Variants in SBF2 observed in about 807,000 individuals in gnomAD.
SBF2 encodes the protein SET binding factor 2.
SBF2 carries 112 observed loss-of-function variants against 225.2 expected under a neutral mutation model. The ratio of observed to expected loss-of-function variants is 0.50; its 90% confidence interval spans 0.43 to 0.58. The LOEUF (loss-of-function observed/expected upper bound fraction) is 0.58. Among genes scored for constraint, SBF2 ranks in the 20% least tolerant of loss-of-function variants. SBF2 has a pLI of 0.00. For missense variants in SBF2, 1,996 were observed against 2,206.2 expected (o/e 0.90, Z 1.91); for synonymous variants, 763 against 773.3 (o/e 0.99, Z 0.22).
chr11:9,976,013 G>A (rs1275852817), intron 13 of SBF2, among the ~76,000 whole-genome samples: 1 of 150,920 alleles, frequency 6.6e-6, no homozygotes, highest in Non-Finnish European at 1.5e-5. Context: ...TCAATGCTGG[G>A]CAATGAAATA....
intron 2 of SBF2, among the ~76,000 whole-genome samples, chr11:10,177,234 C>A (rs1399528098): frequency 6.6e-6 from 1 of 151,758 alleles, no homozygotes; most frequent in Non-Finnish European, 1.5e-5. Flanking sequence ...CAGCCAATAT[C>A]ATACTGAATG....
chr11:10,112,526 C>G (rs1056445298), intron 2 of SBF2, among the ~76,000 whole-genome samples: 2 of 152,200 alleles, frequency 1.3e-5, no homozygotes, highest in Non-Finnish European at 2.9e-5. Context: ...AAACTTCTTT[C>G]TGGTATAAAT....
intron 2 of SBF2, among the ~76,000 whole-genome samples, chr11:10,138,864 G>A (rs1565275114): frequency 6.6e-6 from 1 of 152,106 alleles, no homozygotes; most frequent in Admixed American, 6.5e-5. Context: ...CTGTCTTGGT[G>A]TATTTACCAT....
chr11:9,964,174 A>G (rs1866755646), intron 14 of SBF2, among the ~76,000 whole-genome samples: 1 of 152,212 alleles, frequency 6.6e-6, no homozygotes, highest in African/African-American at 2.4e-5. Flanking sequence ...ACTTGAGCCC[A>G]GGAGTCCAAG....
At chr11:9,831,338 G>A (rs1341884711) in intron 27 of SBF2, among the ~76,000 whole-genome samples, 1 of 152,222 alleles carries the variant, frequency 6.6e-6, no homozygotes, top group East Asian at 1.9e-4. Context: ...TGGCTTGGGA[G>A]CACACAGTGT....
chr11:10,266,125 C>A (rs990101555), intron 1 of SBF2, among the ~76,000 whole-genome samples: 1 of 152,176 alleles, frequency 6.6e-6, no homozygotes. Context: ...ACTACTCATA[C>A]TTTTATCCCA....
chr11:10,179,577 T>G (rs998543806), intron 2 of SBF2, among the ~76,000 whole-genome samples: 2 of 152,182 alleles, frequency 1.3e-5, no homozygotes, highest in Non-Finnish European at 2.9e-5. Flanking sequence ...GTTTCTTTAT[T>G]GAACTTTCTG....
At chr11:9,795,401 A>G (rs1331496843) in intron 33 of SBF2, among the ~76,000 whole-genome samples, 1 of 151,986 alleles carries the variant, frequency 6.6e-6, no homozygotes. Flanking sequence ...GAGGTACTTA[A>G]CCCCTCCCCA....
At chr11:10,087,712 T>A (rs1002117555) in intron 2 of SBF2, among the ~76,000 whole-genome samples, 1 of 152,218 alleles carries the variant, frequency 6.6e-6, no homozygotes, top group Non-Finnish European at 1.5e-5. Flanking sequence ...ATTTCATTAG[T>A]TTTCTTTAGA....
rs570830064 is a variant in SBF2 at position 9,989,075 on chromosome 11, T to TAC, written c.1395+420_1395+421dup. The stretch of plus-strand genomic sequence containing the variant: ...ATATATACATATGCATACATACACA[T>TAC]ACACACACACACGTACACGATGGAA... On this transcript the variant is annotated intron_variant, in intron 13 of 39. Transcript: ENST00000256190. 2.0e-3 allele frequency among the ~76,000 whole-genome samples: 301 copies of TAC among 150,960 alleles called. 8 individuals are homozygous for TAC. In the East Asian group the frequency reaches 0.04, roughly 20 times the overall value.
chr11:9,997,767 G>A (rs1180900299), intron 9 of SBF2, among the ~76,000 whole-genome samples: 1 of 152,198 alleles, frequency 6.6e-6, no homozygotes, highest in Non-Finnish European at 1.5e-5. Context: ...GACAGAGCAA[G>A]ACTCCGTCTC....
At chr11:10,229,827 G>A (rs546866918) in intron 1 of SBF2, among the ~76,000 whole-genome samples, 1 of 152,274 alleles carries the variant, frequency 6.6e-6, no homozygotes. Context: ...TGTCTATTAG[G>A]TCCGCTTGGT....
intron 1 of SBF2, among the ~76,000 whole-genome samples, chr11:10,281,234 G>C (rs184591252): frequency 6.6e-6 from 1 of 152,234 alleles, no homozygotes; most frequent in African/African-American, 2.4e-5. Context: ...TAAGTCATTA[G>C]GGACTCAGGT....
intron 1 of SBF2, among the ~76,000 whole-genome samples, chr11:10,196,903 C>T (rs1391439642): frequency 7.6e-6 from 1 of 131,500 alleles, no homozygotes; most frequent in East Asian, 2.1e-4. Context: ...CACACTGAAC[C>T]TAACTTTATA....
intron 15 of SBF2, among the ~76,000 whole-genome samples, chr11:9,962,689 A>G (rs779632746): frequency 2.0e-5 from 3 of 152,232 alleles, no homozygotes; most frequent in Non-Finnish European, 2.9e-5. Context: ...GCTTTACAAC[A>G]GGCACATCCA....
intron 2 of SBF2, among the ~76,000 whole-genome samples, chr11:10,092,941 GA>G (rs1005804498): frequency 2.9e-4 from 42 of 145,638 alleles, no homozygotes; most frequent in African/African-American, 7.5e-4. Context: ...TGCCTTTTAG[GA>G]AAAAAAAAAT....
At position 9,785,291 on chromosome 11, in the gene SBF2, C is replaced by T. The variant is rs573421647; in HGVS notation, c.5065G>A (p.Gly1689Arg). ...GAAGGTAGGTTGGTAGACACAATTC[C>T]TGGGGATCTCGACAGGTGTCTTTGG... is the stretch of plus-strand genomic sequence containing the variant. ...RSQRHLSRSP[G>R]IVSTNLPSYQ... The change falls in exon 37 of 40, where the codon GGA becomes AGA. Residue 1689 changes from glycine to arginine, a missense_variant. Physicochemically the swap from Gly to Arg is moderately radical, Grantham distance 125. Transcript: ENST00000256190. 4 of 1,614,182 alleles carry T rather than the reference C, an allele frequency of 2.5e-6. No homozygotes were observed. The African/African-American group carries it at 5.3e-5, about 22-fold the overall frequency.
At chr11:10,273,967 G>A (rs1156938234) in intron 1 of SBF2, among the ~76,000 whole-genome samples, 1 of 152,216 alleles carries the variant, frequency 6.6e-6, no homozygotes, top group Non-Finnish European at 1.5e-5. Context: ...GGAGACTACA[G>A]ACTGAAAAGG....
chr11:9,828,468 G>A (rs1855193666), intron 28 of SBF2: 1 of 985,226 alleles, frequency 1.0e-6, no homozygotes, highest in African/African-American at 1.7e-5. Flanking sequence ...ATGGAGCAAG[G>A]CATGCATGGT....
Sources: gnomAD v4.1 joint callset for allele counts (sites outside exome capture counted in the v4.1 genomes callset) on GRCh38, gnomAD v4.1.1 for gene constraint, MANE v1.5 for transcripts, NCBI Gene and HGNC (gene_info 2026-07-23, HGNC 2026-07-21) for gene names.